Variants in INSC observed in about 807,000 individuals in gnomAD.
INSC encodes the protein protein inscuteable homolog.
INSC carries 67 observed loss-of-function variants against 58.6 expected under a neutral mutation model. The observed-to-expected ratio is 1.14, with a 90% CI of 0.94 to 1.40. The LOEUF is 1.40. Ranked by LOEUF, INSC falls within the 40% of genes most tolerant of loss-of-function variation. The pLI, the probability that INSC is intolerant of heterozygous loss-of-function variation, is 0.00. For synonymous variants in INSC, 262 were observed against 276.1 expected, an observed-to-expected ratio of 0.95 and a Z score of 0.51; for missense variants, 714 against 692.0, an observed-to-expected ratio of 1.03 and a Z score of -0.36.
chr11:15,204,767 G>C (rs1850731337), intron 7 of INSC, among the ~76,000 whole-genome samples: 1 of 152,242 alleles, frequency 6.6e-6, no homozygotes, highest in Non-Finnish European at 1.5e-5. Flanking sequence ...TTCTCCGCCT[G>C]ATTTACTGGC....
intron 2 of INSC, among the ~76,000 whole-genome samples, chr11:15,171,668 A>G (rs1849403773): frequency 6.6e-6 from 1 of 152,224 alleles, no homozygotes; most frequent in South Asian, 2.1e-4. Flanking sequence ...GAAGAACACC[A>G]ACTCAACTAT....
At chr11:15,265,059 A>C in the INSC span, among the ~76,000 whole-genome samples, 1 of 152,140 alleles carries the variant, frequency 6.6e-6, no homozygotes. Context: ...AAAGGTCTGA[A>C]ATGCAACAAG....
At chr11:15,241,629 A>C (rs749442296) in intron 12 of INSC, 4 of 702,898 alleles carry the variant, frequency 5.7e-6, no homozygotes, top group African/African-American at 1.7e-5. Context: ...TGTGGTTTTT[A>C]TTTTGGCACA....
chr11:15,173,439 G>A (rs1262124232), intron 2 of INSC, among the ~76,000 whole-genome samples: 1 of 152,102 alleles, frequency 6.6e-6, no homozygotes, highest in East Asian at 1.9e-4. Context: ...CAAATATAAG[G>A]GAATGGTAAT....
intron 2 of INSC, among the ~76,000 whole-genome samples, chr11:15,165,863 C>G (rs375205355): frequency 1.2e-4 from 18 of 151,168 alleles, no homozygotes; most frequent in African/African-American, 4.4e-4. Flanking sequence ...CTGAACCAGT[C>G]TTTTGGGGGG....
chr11:15,150,996 A>G (rs971257769), intron 2 of INSC, among the ~76,000 whole-genome samples: 1 of 152,126 alleles, frequency 6.6e-6, no homozygotes, highest in African/African-American at 2.4e-5. Context: ...AAAGGGTAGT[A>G]GAAGTGCTTG....
chr11:15,169,279 C>T (rs896227807), intron 2 of INSC, among the ~76,000 whole-genome samples: 7 of 152,138 alleles, frequency 4.6e-5, no homozygotes, highest in East Asian at 1.9e-4. Context: ...GATGAGGGCC[C>T]GACTGGAAGA....
At position 15,175,754 on chromosome 11, in the gene INSC, C is replaced by T; in HGVS notation, c.70C>T (p.Gln24Ter). The change falls in exon 3 of 13, where the codon CAG becomes TAG. Residue 24 changes from glutamine (Q) to a stop codon, truncating the protein, a stop_gained. Transcript: ENST00000379556. LOFTEE classifies it high-confidence loss of function. ...TCCTGGTTGCAGGCTACACCTGATGCAGGTGGACTCAGTCCAGCGCTGGAT... is the reference window on the plus strand; with the variant it reads ...TCCTGGTTGCAGGCTACACCTGATGTAGGTGGACTCAGTCCAGCGCTGGAT... ...TLPGQRLHLM[Q>*]VDSVQRWMED... 1 of 1,561,132 alleles carries T rather than the reference C, an allele frequency of 6.4e-7. No individual in the cohort carries two copies. The highest frequency in any genetic ancestry group is 8.7e-7 in the Non-Finnish European group (1 of 1,145,072).
In INSC at chr11:15,125,369, G is replaced by A. The variant is rs559630822; in HGVS notation, c.-46+10366G>A. ...CTTGTGGGTTATTTGAAGAACGTTG[G>A]CTTTTAATATGAGTGGTATAGTGAA... On this transcript the variant is annotated intron_variant, in intron 1 of 12. Coordinates refer to ENST00000379556, the MANE Select transcript of INSC (RefSeq NM_001042536.3). Among the ~76,000 whole-genome samples, 12 of 152,302 alleles carry A rather than the reference G, an allele frequency of 7.9e-5. No individual in the cohort carries two copies. The East Asian group carries it at 2.3e-3, about 29-fold the overall frequency.
intron 1 of INSC, among the ~76,000 whole-genome samples, chr11:15,125,864 A>T (rs1054256692): frequency 6.6e-6 from 1 of 152,040 alleles, no homozygotes; most frequent in African/African-American, 2.4e-5. Flanking sequence ...GTGTTTTAGG[A>T]GCCCTATGGG....
At chr11:15,211,443 A>G (rs928087092) in intron 7 of INSC, among the ~76,000 whole-genome samples, 2 of 152,218 alleles carry the variant, frequency 1.3e-5, no homozygotes, top group African/African-American at 4.8e-5. Context: ...CACGTTCTAC[A>G]TATAAATTCT....
intron 2 of INSC, among the ~76,000 whole-genome samples, chr11:15,157,072 A>C (rs1019375475): frequency 6.6e-6 from 1 of 152,222 alleles, no homozygotes; most frequent in African/African-American, 2.4e-5. Context: ...TGTTCAGGAC[A>C]GCCTCCATCA....
intron 7 of INSC, 132 bp from the exon 8 acceptor site, chr11:15,221,345 G>T (rs1851430901): frequency 2.9e-6 from 3 of 1,028,464 alleles, no homozygotes; most frequent in Non-Finnish European, 4.3e-6. Context: ...TCCACATGGG[G>T]TCCTGGGCTG....
At chr11:15,135,387 C>A (rs1175214286) in intron 1 of INSC, among the ~76,000 whole-genome samples, 1 of 152,168 alleles carries the variant, frequency 6.6e-6, no homozygotes, top group Non-Finnish European at 1.5e-5. Flanking sequence ...CCTTATACCC[C>A]CTGTTTCCAA....
chr11:15,135,623 A>G (rs1159249494), intron 1 of INSC, among the ~76,000 whole-genome samples: 1 of 152,324 alleles, frequency 6.6e-6, no homozygotes, highest in East Asian at 1.9e-4. Flanking sequence ...TGAATGTCCC[A>G]TACTACTTTG....
the INSC span, among the ~76,000 whole-genome samples, chr11:15,262,448 G>A: frequency 2.0e-5 from 3 of 152,060 alleles, no homozygotes; most frequent in Non-Finnish European, 4.4e-5. Context: ...TGAGTCCGAA[G>A]AGAAGCCCCC....
chr11:15,151,586 C>T (rs920948813), intron 2 of INSC, among the ~76,000 whole-genome samples: 2 of 150,118 alleles, frequency 1.3e-5, no homozygotes, highest in African/African-American at 4.9e-5. Context: ...CTCTGGCCTC[C>T]TATCTTTCCA....
chr11:15,132,762 T>C (rs1184969271), intron 1 of INSC, among the ~76,000 whole-genome samples: 1 of 152,246 alleles, frequency 6.6e-6, no homozygotes, highest in Non-Finnish European at 1.5e-5. Context: ...AGAATGCTTA[T>C]ATTTCATACT....
At chr11:15,197,699 A>G (rs775109170) in intron 6 of INSC, among the ~76,000 whole-genome samples, 9 of 152,164 alleles carry the variant, frequency 5.9e-5, no homozygotes, top group Non-Finnish European at 1.2e-4. Context: ...AGACCTCTCT[A>G]TGATGATGGT....
Sources: allele counts gnomAD v4.1 joint callset (sites outside exome capture counted in the v4.1 genomes callset), GRCh38; gene constraint gnomAD v4.1.1; transcripts MANE v1.5; gene names NCBI Gene and HGNC (gene_info 2026-07-23, HGNC 2026-07-21).